The following NOTCH2NLA variants were observed in gnomAD, a reference collection of about 807,000 sequenced individuals.
The protein encoded by NOTCH2NLA is notch 2 N-terminal like A.
chr1:146,219,827 A>C lies in NOTCH2NLA; in HGVS notation c.-45+8882T>G. Among the ~76,000 whole-genome samples the C allele has an allele frequency of 2.1e-5, 2 of 95,466 alleles. 1 individual carries two copies. The highest frequency in any genetic ancestry group is 3.9e-5 in the Non-Finnish European group (2 of 51,386). 62.6% of individuals were successfully genotyped at this position (95,466 alleles called of 152,430 possible). A position where few individuals can be genotyped will look rare whatever the true frequency, so the allele number is the denominator to read the frequency against. On this transcript the variant is annotated intron_variant, in intron 1 of 4. Transcript: ENST00000362074. ...AAAAAATATATATATATATATAAAT[A>C]AATCAACAGCTTTTCTAAATCTAAG...
chr1:146,180,202 A>T (rs1553809002), intron 2 of NOTCH2NLA, among the ~76,000 whole-genome samples: 1 of 142,902 alleles, frequency 7.0e-6, no homozygotes, highest in African/African-American at 2.4e-5. Context: ...TTAATACCCT[A>T]AATGCTACCA....
downstream of NOTCH2NLA, chr1:146,154,184 A>C: frequency 7.8e-6 from 1 of 127,570 alleles, no homozygotes; most frequent in African/African-American, 3.2e-5. Flanking sequence ...ACACCTACAA[A>C]GTGCTTTCAG....
chr1:146,162,170 C>G (rs1661541814), intron 3 of NOTCH2NLA, among the ~76,000 whole-genome samples: 1 of 141,656 alleles, frequency 7.1e-6, no homozygotes, highest in African/African-American at 2.6e-5. Context: ...TTCCTTTCTC[C>G]TTTATCATGT....
chr1:146,166,224 AT>A (rs1227042517), intron 2 of NOTCH2NLA, among the ~76,000 whole-genome samples: 7 of 131,602 alleles, frequency 5.3e-5, no homozygotes, highest in African/African-American at 2.0e-4. Context: ...TTTCCTAATC[AT>A]TGTGACCTGA....
chr1:146,175,195 TTC>T (rs1477058520), intron 2 of NOTCH2NLA, among the ~76,000 whole-genome samples: 2 of 127,086 alleles, frequency 1.6e-5, no homozygotes, highest in Admixed American at 1.7e-4. Flanking sequence ...AACTTTTTAA[TTC>T]TGTCACTCTG....
At position 146,159,226 on chromosome 1, in the gene NOTCH2NLA, C is replaced by T. The variant is rs1424992698; in HGVS notation, c.299-2411G>A. On this transcript the variant is annotated intron_variant, in intron 3 of 4. Transcript: ENST00000362074. Reference sequence around the variant, plus strand: ...TACAAAAATTAGCCGGGCTTCATAGCGCATGCCTGTAATCCCAGCTACCTG... The same window carrying T: ...TACAAAAATTAGCCGGGCTTCATAGTGCATGCCTGTAATCCCAGCTACCTG... 1.3e-4 allele frequency among the ~76,000 whole-genome samples: 19 copies of T among 151,080 alleles called. 1 individual carries two copies. The highest frequency in any genetic ancestry group is 6.6e-4 in the Admixed American group (10 of 15,178).
chr1:146,149,410 GA>G (rs1256332552), intron 4 of NOTCH2NLA, among the ~76,000 whole-genome samples: 1 of 23,284 alleles, frequency 4.3e-5, no homozygotes, highest in Non-Finnish European at 1.1e-4. Context: ...ATATCATCAA[GA>G]ATGTGAAAAG....
intron 2 of NOTCH2NLA, among the ~76,000 whole-genome samples, chr1:146,175,621 C>T (rs1571292747): frequency 7.0e-6 from 1 of 142,676 alleles, no homozygotes; most frequent in East Asian, 1.9e-4. Context: ...ACAACCAATA[C>T]ACAAAGACTA....
At position 146,219,606 on chromosome 1, in the gene NOTCH2NLA, AAAAGGCAATAC is replaced by A. The variant is rs1256720737; in HGVS notation, c.-45+9092_-45+9102del. Reference sequence around the variant, plus strand: ...ACACAATTTACAAAAGAAGTAGGAAAAAAGGCAATACAAACGCCACTGATGATATGAAAAAA... The same window carrying A: ...ACACAATTTACAAAAGAAGTAGGAAAAAACGCCACTGATGATATGAAAAAA... On this transcript the variant is annotated intron_variant, in intron 1 of 4. Transcript: ENST00000362074. Among the ~76,000 whole-genome samples, 2 of 105,542 alleles carry A rather than the reference AAAAGGCAATAC, an allele frequency of 1.9e-5. 1 individual carries two copies. The highest frequency in any genetic ancestry group is 3.6e-5 in the Non-Finnish European group (2 of 54,886). The allele number at this position is 105,542 out of a possible 152,430, so 69.2% of individuals were successfully genotyped here.
At chr1:146,153,988 A>C (rs1395004036), downstream of NOTCH2NLA, 1 of 132,008 alleles carries the variant, frequency 7.6e-6, no homozygotes, top group African/African-American at 3.1e-5. Context: ...ACTACTTTTA[A>C]ACATCTGCAC....
At chr1:146,158,204 C>T (rs61813252) in intron 3 of NOTCH2NLA, among the ~76,000 whole-genome samples, 30 of 151,084 alleles carry the variant, frequency 2.0e-4, no homozygotes, top group Admixed American at 1.1e-3. Flanking sequence ...CTAGGGTACA[C>T]GTGCACAACA....
chr1:146,159,389 GAGAGAGAAAGAAAGAAAGAA>G (rs1571265542), intron 3 of NOTCH2NLA, among the ~76,000 whole-genome samples: 2 of 104,804 alleles, frequency 1.9e-5, no homozygotes, highest in East Asian at 5.8e-4. Context: ...AAGAGAGAAA[GAGAGAGAAAGAAAGAAAGAA>G]AGAAAGAAAG....
chr1:146,200,458 T>TATATA (rs1559387593), intron 1 of NOTCH2NLA, among the ~76,000 whole-genome samples: 1 of 23,550 alleles, frequency 4.2e-5, no homozygotes, highest in Admixed American at 5.0e-4. Context: ...TATATATATA[T>TATATA]TCCTGAACTT....
At chr1:146,182,160 T>G (rs1662562257) in intron 2 of NOTCH2NLA, among the ~76,000 whole-genome samples, 1 of 133,896 alleles carries the variant, frequency 7.5e-6, no homozygotes, top group African/African-American at 2.5e-5. Flanking sequence ...AGTGTTTTAA[T>G]CATATTCCTG....
At chr1:146,157,934 G>A (rs201967408) in intron 3 of NOTCH2NLA, among the ~76,000 whole-genome samples, 10 of 128,094 alleles carry the variant, frequency 7.8e-5, no homozygotes, top group East Asian at 2.2e-4. Context: ...AAGGTATTCC[G>A]TGGACTTTCT....
rs1409384401 is a variant in NOTCH2NLA at position 146,185,839 on chromosome 1, G to A, written c.38+3461C>T. 1.2e-4 allele frequency among the ~76,000 whole-genome samples: 16 copies of A among 135,700 alleles called. 5 individuals carry two copies. In the Admixed American group the frequency reaches 1.2e-3, roughly 10 times the overall value. The allele number at this position is 135,700 out of a possible 152,430, so 89.0% of individuals were successfully genotyped here. A position where few individuals can be genotyped will look rare whatever the true frequency, so the allele number is the denominator to read the frequency against. On this transcript the variant is annotated intron_variant, in intron 2 of 4. Coordinates refer to ENST00000362074, the Ensembl canonical transcript of NOTCH2NLA. ...AAAAAGATAATCACATGCCCTGCAT[G>A]CCTGATAGAATTTTTATAAATCTTC...
chr1:146,185,465 A>G lies in NOTCH2NLA; in HGVS notation c.38+3835T>C, dbSNP rs1397983777. ...AATTGAGTTTTATGCAAGATTATAC[A>G]AGTTCTCCTAATCTGGCATCAAAAT... On this transcript the variant is annotated intron_variant, in intron 2 of 4. Transcript: ENST00000362074. Among the ~76,000 whole-genome samples the G allele has an allele frequency of 1.7e-4, 23 of 136,734 alleles. 1 individual carries two copies. The highest frequency in any genetic ancestry group is 5.4e-4 in the African/African-American group (22 of 40,396). 89.7% of individuals were successfully genotyped at this position (136,734 alleles called of 152,430 possible).
intron 2 of NOTCH2NLA, among the ~76,000 whole-genome samples, chr1:146,180,609 T>C (rs1279679691): frequency 1.4e-5 from 2 of 143,188 alleles, no homozygotes; most frequent in Non-Finnish European, 3.2e-5. Flanking sequence ...TTACCTTACG[T>C]TGGGTTGTAA....
chr1:146,185,394 G>A (rs1263822471), intron 2 of NOTCH2NLA, among the ~76,000 whole-genome samples: 2 of 135,336 alleles, frequency 1.5e-5, no homozygotes, highest in East Asian at 4.1e-4. Flanking sequence ...TCTCCCTGTA[G>A]TGAGAGGGCT....
Sources: gnomAD v4.1 joint callset for allele counts (sites outside exome capture counted in the v4.1 genomes callset) on GRCh38, gnomAD v4.1.1 for gene constraint, MANE v1.5 for transcripts, NCBI Gene and HGNC (gene_info 2026-07-23, HGNC 2026-07-21) for gene names.